The following ABLIM1 variants were observed in gnomAD, a reference collection of about 807,000 sequenced individuals.
ABLIM1 encodes actin binding LIM protein 1.
ABLIM1 carries 40 observed loss-of-function variants against 107.0 expected under a neutral mutation model. The observed-to-expected ratio is 0.37, with a 90% CI of 0.29 to 0.49. The LOEUF is 0.49. Among genes scored for constraint, ABLIM1 ranks in the 20% least tolerant of loss-of-function variants. ABLIM1 has a pLI of 0.97. For synonymous variants in ABLIM1, 357 were observed against 357.3 expected (o/e 1.00, Z 0.01); for missense variants, 857 against 1,008.5 (o/e 0.85, Z 2.04).
At chr10:114,582,740 GA>G in intron 2 of ABLIM1, among the ~76,000 whole-genome samples, 1 of 152,196 alleles carries the variant, frequency 6.6e-6, no homozygotes, top group Middle Eastern at 3.4e-3. Context: ...CAACAAAGTA[GA>G]CAAAAATAAG....
intron 1 of ABLIM1, among the ~76,000 whole-genome samples, chr10:114,731,501 G>A (rs762088541): frequency 6.6e-5 from 10 of 151,244 alleles, no homozygotes; most frequent in African/African-American, 1.5e-4. Flanking sequence ...TCACTCTGTC[G>A]CCCACACTGG....
At chr10:114,518,500 C>T (rs139365250) in intron 6 of ABLIM1, among the ~76,000 whole-genome samples, 225 of 151,396 alleles carry the variant, frequency 1.5e-3, no homozygotes, top group African/African-American at 5.1e-3. Flanking sequence ...AATGAACAGA[C>T]GTGGTCCTGT....
upstream of ABLIM1, among the ~76,000 whole-genome samples, chr10:114,689,088 G>A (rs2081011309): frequency 6.6e-6 from 1 of 152,144 alleles, no homozygotes; most frequent in South Asian, 2.1e-4. Context: ...GCTGCAGAGA[G>A]GGAGGCCATC....
rs191801415 is a variant in ABLIM1 at position 114,730,467 on chromosome 10, A to G, written c.-213+37594T>C. On this transcript the variant is annotated intron_variant, in intron 1 of 15. Transcript: ENST00000651092. ...GAGTAAGCACTATGATCAGTCACCA[A>G]GAGAAATCTGGAGCCACTGGACTTA... Among the ~76,000 whole-genome samples, 37 of 152,042 alleles carry G rather than the reference A, an allele frequency of 2.4e-4. 1 individual carries two copies. The East Asian group carries it at 5.8e-3, about 24-fold the overall frequency.
chr10:114,502,409 T>A (rs2060552800), intron 6 of ABLIM1: 1 of 152,218 alleles, frequency 6.6e-6, no homozygotes, highest in African/African-American at 2.4e-5. Flanking sequence ...ATCAACTCTC[T>A]CTTACAAGGT....
chr10:114,439,795 C>T (rs945419671), intron 20 of ABLIM1: 4 of 505,004 alleles, frequency 7.9e-6, no homozygotes, highest in African/African-American at 7.7e-5. Context: ...TATGAGCAGA[C>T]CCTTGATGCT....
At chr10:114,660,421 A>G (rs899862285), upstream of ABLIM1, among the ~76,000 whole-genome samples, 11 of 150,838 alleles carry the variant, frequency 7.3e-5, no homozygotes, top group Admixed American at 2.7e-4. Context: ...ATCAAACATC[A>G]CCTGATCCCT....
chr10:114,693,112 T>C (rs1015620225), intron 1 of ABLIM1, among the ~76,000 whole-genome samples: 3 of 152,164 alleles, frequency 2.0e-5, no homozygotes, highest in Non-Finnish European at 4.4e-5. Flanking sequence ...GGCTTCCTAT[T>C]ATCTAGGCCA....
intron 1 of ABLIM1, among the ~76,000 whole-genome samples, chr10:114,746,003 T>G (rs1224158248): frequency 6.6e-6 from 1 of 152,214 alleles, no homozygotes; most frequent in Non-Finnish European, 1.5e-5. Context: ...TGTTTGTATA[T>G]GTTTATTGGG....
chr10:114,456,934 TAA>T (rs61165310), intron 12 of ABLIM1, among the ~76,000 whole-genome samples: 164 of 138,186 alleles, frequency 1.2e-3, no homozygotes, highest in African/African-American at 4.0e-3. Flanking sequence ...GTTTTTTTTT[TAA>T]AAAAAAAAAA....
intron 1 of ABLIM1, among the ~76,000 whole-genome samples, chr10:114,744,662 T>C (rs1341077535): frequency 6.6e-6 from 1 of 152,078 alleles, no homozygotes; most frequent in Non-Finnish European, 1.5e-5. Context: ...AATAAATAAA[T>C]AAAAGTAATA....
rs1282050388 is a variant in ABLIM1 at position 114,684,056 on chromosome 10, G to A, written c.64+234C>T. Among the ~76,000 whole-genome samples the A allele has an allele frequency of 2.6e-5, 4 of 152,058 alleles. No homozygotes were observed. The South Asian group carries it at 8.3e-4, about 32-fold the overall frequency. ...GCTACTGCTACAAAAGAGTCATGTCGATTTTAACATCCTGTTATATTAAGA... is the reference window on the plus strand; with the variant it reads ...GCTACTGCTACAAAAGAGTCATGTCAATTTTAACATCCTGTTATATTAAGA... On this transcript the variant is annotated intron_variant, in intron 1 of 23. Coordinates refer to the ABLIM1 transcript ENST00000369256.
intron 1 of ABLIM1, among the ~76,000 whole-genome samples, chr10:114,762,613 G>GCCAA (rs1449262178): frequency 6.6e-6 from 1 of 152,070 alleles, no homozygotes; most frequent in Non-Finnish European, 1.5e-5. Flanking sequence ...CCAAAGAAAA[G>GCCAA]CCAACCACCT....
intron 1 of ABLIM1, among the ~76,000 whole-genome samples, chr10:114,603,978 T>G (rs2076234149): frequency 6.6e-6 from 1 of 151,894 alleles, no homozygotes; most frequent in Admixed American, 6.6e-5. Context: ...AAAAAAGTTT[T>G]CCTTAAAAAT....
In ABLIM1 at chr10:114,504,388, A is replaced by G. The variant is rs568954751; in HGVS notation, c.895-12510T>C. On this transcript the variant is annotated intron_variant, in intron 6 of 22. Transcript: ENST00000533213. ...CCTAAGTCCATTCCCCACTCCCCCAACATCCTGCTACATGTTAAGGCTCAG... is the reference window on the plus strand; with the variant it reads ...CCTAAGTCCATTCCCCACTCCCCCAGCATCCTGCTACATGTTAAGGCTCAG... Among the ~76,000 whole-genome samples the G allele has an allele frequency of 4.1e-5, 6 of 147,524 alleles. No individual in the cohort carries two copies. The East Asian group carries it at 1.5e-3, about 36-fold the overall frequency.
chr10:114,799,340 T>G, the ABLIM1 span, among the ~76,000 whole-genome samples: 2 of 152,196 alleles, frequency 1.3e-5, no homozygotes, highest in South Asian at 2.1e-4. Context: ...TAAAATTCCA[T>G]TTAGGTCCTG....
chr10:114,742,683 C>T lies in ABLIM1; in HGVS notation c.-213+25378G>A, dbSNP rs189029857. ...GTGGCTCATGCTTGTAATCCCAGCACTTTGGGAGGCTGAGGCAGGCAGATC... is the reference window on the plus strand; with the variant it reads ...GTGGCTCATGCTTGTAATCCCAGCATTTTGGGAGGCTGAGGCAGGCAGATC... On this transcript the variant is annotated intron_variant, in intron 1 of 15. Transcript: ENST00000651092. Among the ~76,000 whole-genome samples, 283 of 152,284 alleles carry T rather than the reference C, an allele frequency of 1.9e-3. 1 individual carries two copies. Among genetic ancestry groups the T allele is most frequent in the Middle Eastern group, 3.4e-3 (1 of 294 alleles).
intron 1 of ABLIM1, among the ~76,000 whole-genome samples, chr10:114,681,105 A>C (rs866121615): frequency 1.3e-5 from 2 of 152,252 alleles, no homozygotes; most frequent in Non-Finnish European, 2.9e-5. Context: ...ATGAATCTGC[A>C]GGTACATTTA....
the ABLIM1 span, chr10:114,776,118 A>G: frequency 2.6e-5 from 4 of 152,262 alleles, no homozygotes; most frequent in South Asian, 8.3e-4. Flanking sequence ...GGACCCACAA[A>G]TAGTCCTGAG....
Sources: gnomAD v4.1 joint callset for allele counts (sites outside exome capture counted in the v4.1 genomes callset) on GRCh38, gnomAD v4.1.1 for gene constraint, MANE v1.5 for transcripts, NCBI Gene and HGNC (gene_info 2026-07-23, HGNC 2026-07-21) for gene names.